FNDC3A: variants seen among roughly 807,000 people sequenced by gnomAD.
FNDC3A encodes fibronectin type-III domain-containing protein 3A.
Under a neutral mutation model 148.9 loss-of-function variants are expected in FNDC3A, and 32 were observed. The ratio of observed to expected loss-of-function variants is 0.21; its 90% CI spans 0.16 to 0.29. The LOEUF is 0.29. Among genes scored for constraint, FNDC3A ranks in the 10% least tolerant of loss-of-function variants. The pLI, the probability that FNDC3A is intolerant of heterozygous loss-of-function variation, is 1.00. For missense variants in FNDC3A, 1,191 were observed against 1,452.8 expected (o/e 0.82, Z 2.93); for synonymous variants, 472 against 473.6 (o/e 1.00, Z 0.04).
chr13:49,070,734 G>A (rs1385985426), intron 2 of FNDC3A, among the ~76,000 whole-genome samples: 2 of 151,978 alleles, frequency 1.3e-5, no homozygotes, highest in African/African-American at 4.8e-5. Context: ...CAGTAACCAC[G>A]ATTCTATTCT....
intron 2 of FNDC3A, among the ~76,000 whole-genome samples, chr13:49,018,774 G>A (rs1294589383): frequency 6.6e-6 from 1 of 152,214 alleles, no homozygotes; most frequent in African/African-American, 2.4e-5. Flanking sequence ...GTACAGATGG[G>A]TTTTTGGTGT....
intron 1 of FNDC3A, chr13:48,988,037 G>A (rs1469736025): frequency 6.6e-6 from 1 of 151,984 alleles, no homozygotes; most frequent in African/African-American, 2.4e-5. Context: ...AACCAACAAA[G>A]ATAAAAAAAG....
chr13:49,189,579 A>G (rs1322585737), intron 17 of FNDC3A, among the ~76,000 whole-genome samples: 6 of 152,118 alleles, frequency 3.9e-5, no homozygotes, highest in Admixed American at 2.6e-4. Flanking sequence ...TAATGCAATG[A>G]AAGTATTCTT....
At position 49,202,937 on chromosome 13, in the gene FNDC3A, G is replaced by A. The variant is rs190126532; in HGVS notation, c.3155-220G>A. On this transcript the variant is annotated intron_variant, in intron 24 of 25. Coordinates refer to ENST00000492622, the MANE Select transcript of FNDC3A (RefSeq NM_001079673.2). Reference sequence around the variant, plus strand: ...TGCATTGAGCTATGATCGCACCACTGTTGTCCAGGCTGGGTGACAGAGTGA... The same window carrying A: ...TGCATTGAGCTATGATCGCACCACTATTGTCCAGGCTGGGTGACAGAGTGA... Among the ~76,000 whole-genome samples the A allele has an allele frequency of 3.0e-3, 464 of 152,336 alleles. 2 individuals are homozygous for A. Among genetic ancestry groups the A allele is most frequent in the Non-Finnish European group, 5.1e-3 (349 of 68,038 alleles).
At chr13:49,178,050 C>T (rs1274293504) in intron 13 of FNDC3A, among the ~76,000 whole-genome samples, 4 of 152,092 alleles carry the variant, frequency 2.6e-5, no homozygotes, top group Non-Finnish European at 5.9e-5. Flanking sequence ...AAAATGATAA[C>T]GTTCGGAAAA....
chr13:49,011,815 A>G lies in FNDC3A; in HGVS notation c.99+5526A>G, dbSNP rs576160719. The stretch of plus-strand genomic sequence containing the variant: ...GTGTCTCAAAAAAAATGTTTAAGGT[A>G]TTTATGAACAGGAATTCCCTATACT... On this transcript the variant is annotated intron_variant, in intron 2 of 25. Coordinates refer to ENST00000492622, the MANE Select transcript of FNDC3A (RefSeq NM_001079673.2). Among the ~76,000 whole-genome samples, 5 of 152,238 alleles carry G rather than the reference A, an allele frequency of 3.3e-5. No homozygotes were observed. The South Asian group carries it at 6.2e-4, about 19-fold the overall frequency.
At chr13:49,057,327 C>T (rs1439165122) in intron 2 of FNDC3A, among the ~76,000 whole-genome samples, 1 of 152,122 alleles carries the variant, frequency 6.6e-6, no homozygotes, top group Non-Finnish European at 1.5e-5. Context: ...TGGATTTACA[C>T]AGAACATATT....
chr13:49,123,034 A>T (rs1032187488), intron 4 of FNDC3A, among the ~76,000 whole-genome samples: 1 of 152,156 alleles, frequency 6.6e-6, no homozygotes, highest in Non-Finnish European at 1.5e-5. Context: ...GAGCCCATAT[A>T]GCCAAAACAA....
chr13:49,132,670 A>T (rs1163207480), intron 5 of FNDC3A, among the ~76,000 whole-genome samples: 1 of 152,188 alleles, frequency 6.6e-6, no homozygotes, highest in African/African-American at 2.4e-5. Context: ...TCCTTGTCCC[A>T]TTGCTTCCCC....
At chr13:48,990,246 T>C (rs1037276059) in intron 1 of FNDC3A, among the ~76,000 whole-genome samples, 6 of 151,908 alleles carry the variant, frequency 3.9e-5, no homozygotes, top group Admixed American at 3.9e-4. Context: ...ATTTCAAATA[T>C]ACAAAAGCTG....
intron 4 of FNDC3A, among the ~76,000 whole-genome samples, chr13:49,117,001 A>G (rs1038958790): frequency 3.9e-5 from 6 of 152,154 alleles, no homozygotes; most frequent in African/African-American, 1.2e-4. Context: ...GGAGGTCAGT[A>G]TGATTGGACT....
intron 3 of FNDC3A, among the ~76,000 whole-genome samples, chr13:49,113,436 T>A (rs1464988851): frequency 6.6e-6 from 1 of 152,110 alleles, no homozygotes; most frequent in Admixed American, 6.6e-5. Context: ...CCTCACCCCT[T>A]GCCTTCCCTA....
chr13:49,116,818 G>A (rs1381345711), intron 4 of FNDC3A, among the ~76,000 whole-genome samples: 1 of 151,818 alleles, frequency 6.6e-6, no homozygotes, highest in Non-Finnish European at 1.5e-5. Context: ...ATGTGTTAGA[G>A]CTGGTTATAT....
At chr13:49,203,915 A>G (rs1041983700) in intron 25 of FNDC3A, among the ~76,000 whole-genome samples, 1 of 152,200 alleles carries the variant, frequency 6.6e-6, no homozygotes, top group Non-Finnish European at 1.5e-5. Flanking sequence ...CGTAAGGCAT[A>G]ATAGGCCATA....
intron 2 of FNDC3A, among the ~76,000 whole-genome samples, chr13:49,010,190 A>G (rs1007869339): frequency 6.6e-6 from 1 of 152,166 alleles, no homozygotes; most frequent in Non-Finnish European, 1.5e-5. Flanking sequence ...TGAAATAAAT[A>G]GTGTTGGATT....
intron 7 of FNDC3A, among the ~76,000 whole-genome samples, chr13:49,143,978 TTACTACTACTAC>T (rs71188348): frequency 6.5e-5 from 9 of 138,938 alleles, no homozygotes; most frequent in East Asian, 6.4e-4. Context: ...GACCCCATCT[TTACTACTACTAC>T]TACTACTACT....
intron 2 of FNDC3A, among the ~76,000 whole-genome samples, chr13:49,018,135 C>T (rs1441501498): frequency 6.6e-6 from 1 of 151,046 alleles, no homozygotes; most frequent in Non-Finnish European, 1.5e-5. Context: ...TTTCCTGAAT[C>T]TGAACGTTGG....
intron 3 of FNDC3A, among the ~76,000 whole-genome samples, chr13:49,099,148 T>C (rs1167345546): frequency 6.6e-6 from 1 of 152,184 alleles, no homozygotes; most frequent in African/African-American, 2.4e-5. Context: ...GTCTTGGATT[T>C]ATCATTTTTA....
chr13:49,207,600 T>C lies in FNDC3A; in HGVS notation c.*205T>C, dbSNP rs77866027. On this transcript the variant is annotated 3_prime_UTR_variant, in exon 26 of 26. Transcript: ENST00000492622. ...AAGCCACAAAAATATCAATTTTGTT[T>C]TTTTTGTTAGGGTGGGTCTTCTTTT... is the stretch of plus-strand genomic sequence containing the variant. The C allele has an allele frequency of 1.2e-3, 525 of 446,814 alleles. No individual in the cohort carries two copies. The highest frequency in any genetic ancestry group is 8.9e-3 in the African/African-American group (438 of 49,198). 27.7% of individuals were successfully genotyped at this position (446,814 alleles called of 1,614,324 possible).
Sources: gnomAD v4.1 joint callset for allele counts (sites outside exome capture counted in the v4.1 genomes callset) on GRCh38, gnomAD v4.1.1 for gene constraint, MANE v1.5 for transcripts, NCBI Gene and HGNC (gene_info 2026-07-23, HGNC 2026-07-21) for gene names.